CLCN5: variants seen among roughly 807,000 people sequenced by gnomAD.
CLCN5 encodes H(+)/Cl(-) exchange transporter 5.
In CLCN5, 17 loss-of-function variants were observed where a neutral mutation model predicts 54.0. The ratio of observed to expected loss-of-function variants is 0.31; its 90% CI spans 0.22 to 0.47. The LOEUF (loss-of-function observed/expected upper bound fraction) is 0.47. Among genes scored for constraint, CLCN5 ranks in the 20% least tolerant of loss-of-function variants. CLCN5 has a pLI of 1.00. For missense variants in CLCN5, 448 were observed against 646.7 expected, an observed-to-expected ratio of 0.69 and a Z score of 3.33; for synonymous variants, 222 against 233.0, an observed-to-expected ratio of 0.95 and a Z score of 0.43.
chrX:50,088,576 A>G (rs1449523266), intron 11 of CLCN5, 122 bp from the exon 12 acceptor site: 17 of 644,795 alleles, frequency 2.6e-5, no homozygotes, highest in Non-Finnish European at 3.9e-5. Flanking sequence ...ACTTGCTAGC[A>G]TAGTGCATAG....
chrX:49,997,216 A>G (rs959728702), intron 3 of CLCN5, among the ~76,000 whole-genome samples: 4 of 111,964 alleles, frequency 3.6e-5, no homozygotes, highest in East Asian at 5.6e-4. Context: ...GAGGACAGCA[A>G]TCACATTATT....
At chrX:49,954,568 A>G (rs907240514) in intron 3 of CLCN5, among the ~76,000 whole-genome samples, 2 of 110,528 alleles carry the variant, frequency 1.8e-5, no homozygotes, top group Non-Finnish European at 3.8e-5. Context: ...AGACTGTGCC[A>G]TATGTGTGAG....
intron 3 of CLCN5, among the ~76,000 whole-genome samples, chrX:49,992,209 T>C (rs1393599803): frequency 2.2e-5 from 2 of 91,060 alleles, no homozygotes; most frequent in African/African-American, 4.2e-5. Flanking sequence ...TCTTTTTTTC[T>C]TTTTTTTTTT....
At chrX:49,939,230 C>T (rs1304679522) in intron 3 of CLCN5, among the ~76,000 whole-genome samples, 8 of 111,004 alleles carry the variant, frequency 7.2e-5, no homozygotes, top group African/African-American at 2.6e-4. Context: ...GTCAGTGTGG[C>T]GATTCCTCAG....
chrX:49,973,839 G>A (rs1311521820), intron 3 of CLCN5, among the ~76,000 whole-genome samples: 2 of 110,860 alleles, frequency 1.8e-5, no homozygotes, highest in African/African-American at 6.6e-5. Flanking sequence ...CATAAGTTGA[G>A]GAGCATCTGA....
At chrX:50,039,420 T>C (rs1248327087) in intron 3 of CLCN5, among the ~76,000 whole-genome samples, 1 of 112,209 alleles carries the variant, frequency 8.9e-6, no homozygotes, top group African/African-American at 3.2e-5. Flanking sequence ...TAGGCCCTTA[T>C]ATTGGCAGTT....
intron 3 of CLCN5, among the ~76,000 whole-genome samples, chrX:50,034,914 C>T (rs1557186353): frequency 2.7e-5 from 3 of 111,325 alleles, no homozygotes; most frequent in African/African-American, 6.5e-5. Flanking sequence ...TTCCAGACTA[C>T]TCCTGCCACA....
At position 50,000,140 on chromosome X, in the gene CLCN5, G is replaced by A. The variant is rs182616224; in HGVS notation, c.17-42176G>A. On this transcript the variant is annotated intron_variant, in intron 3 of 14. Coordinates refer to ENST00000376091, the MANE Select transcript of CLCN5 (RefSeq NM_001127898.4). ...TGTTGGACTGTGGGTTTCCCCATCC[G>A]CCTCCTGCTTGCAGCCTCTCTCTCT... 2.0e-3 allele frequency among the ~76,000 whole-genome samples: 223 copies of A among 109,079 alleles called. 1 individual carries two copies. The highest frequency in any genetic ancestry group is 6.9e-3 in the African/African-American group (207 of 29,879). 94.7% of individuals were successfully genotyped at this position (109,079 alleles called of 115,157 possible).
chrX:50,029,606 TTA>T (rs1931589421), intron 3 of CLCN5, among the ~76,000 whole-genome samples: 3 of 111,364 alleles, frequency 2.7e-5, no homozygotes, highest in Admixed American at 9.6e-5. Flanking sequence ...AAGAAGACAT[TTA>T]TATGCAGCCA....
At chrX:49,967,511 A>G (rs1361890941) in intron 3 of CLCN5, among the ~76,000 whole-genome samples, 2 of 93,081 alleles carry the variant, frequency 2.1e-5, no homozygotes, top group Non-Finnish European at 3.9e-5. Context: ...CTGGTTCAAT[A>G]TACGCAAATC....
chrX:50,003,213 C>T (rs782093232), intron 3 of CLCN5: 1 of 384,318 alleles, frequency 2.6e-6, no homozygotes, highest in Non-Finnish European at 5.2e-6. Flanking sequence ...CCCTCCCACA[C>T]CCAAGGCTTG....
intron 3 of CLCN5, among the ~76,000 whole-genome samples, chrX:49,963,416 T>TG (rs1184989351): frequency 9.0e-6 from 1 of 111,612 alleles, no homozygotes; most frequent in Non-Finnish European, 1.9e-5. Context: ...TGCTCTATGC[T>TG]GAAAAACCCC....
At chrX:50,056,167 C>T (rs1485770865) in intron 4 of CLCN5, among the ~76,000 whole-genome samples, 2 of 110,571 alleles carry the variant, frequency 1.8e-5, no homozygotes, top group Non-Finnish European at 3.8e-5. Context: ...ATTTTCCCCC[C>T]ACTAAAGAAT....
At chrX:50,090,625 C>A in intron 13 of CLCN5, 45 bp from the exon 14 acceptor site, 1 of 1,160,805 alleles carries the variant, frequency 8.6e-7, no homozygotes, top group Admixed American at 2.4e-5. Context: ...AAGGATAGAG[C>A]TAGCACGTCC....
At chrX:49,989,472 T>C (rs1313534269) in intron 3 of CLCN5, among the ~76,000 whole-genome samples, 1 of 110,868 alleles carries the variant, frequency 9.0e-6, no homozygotes, top group Non-Finnish European at 1.9e-5. Context: ...AATAAATGAA[T>C]CTTCTATCCA....
At chrX:50,051,452 T>G in intron 4 of CLCN5, among the ~76,000 whole-genome samples, 1 of 112,167 alleles carries the variant, frequency 8.9e-6, no homozygotes, top group Non-Finnish European at 1.9e-5. Context: ...AATGAGGTAG[T>G]GTGAGCCTTC....
chrX:50,069,882 A>G lies in CLCN5; in HGVS notation c.167A>G (p.Asp56Gly). The G allele has an allele frequency of 8.3e-7, 1 of 1,205,874 alleles. No homozygotes were observed. The highest frequency in any genetic ancestry group is 1.1e-6 in the Non-Finnish European group (1 of 892,263). The change falls in exon 5 of 15, where the codon GAC becomes GGC. Residue 56 changes from aspartate (D) to glycine (G), a missense_variant. Around this residue, in one of 5 missense-constraint regions of CLCN5, gnomAD observed 69 missense variants for 60.9 expected, o/e 1.13. Coordinates refer to ENST00000376091, the MANE Select transcript of CLCN5 (RefSeq NM_001127898.4). The part of the protein sequence containing the change: ...VPPLDREVGE[D>G]KSYNGGGIGS... ...GTCTATTTCTTGTTCAATACAGAGGACAAGTCGTACAATGGTGGAGGAATA... is the reference window on the plus strand; with the variant it reads ...GTCTATTTCTTGTTCAATACAGAGGGCAAGTCGTACAATGGTGGAGGAATA...
chrX:49,950,611 A>G (rs979924759), intron 3 of CLCN5, among the ~76,000 whole-genome samples: 4 of 112,025 alleles, frequency 3.6e-5, no homozygotes, highest in African/African-American at 9.7e-5. Flanking sequence ...TAAAATACAC[A>G]CCAGATTTCA....
Position 50,096,006 on chromosome X carries a change from A to G in CLCN5, c.*3787A>G, listed in dbSNP as rs1193973763. The G allele has an allele frequency of 8.9e-6, 1 of 111,955 alleles. No homozygotes were observed. Among genetic ancestry groups the G allele is most frequent in the Non-Finnish European group, 1.9e-5 (1 of 53,259 alleles). The allele number at this position is 111,955 out of a possible 1,213,427, so 9.2% of individuals were successfully genotyped here. On this transcript the variant is annotated 3_prime_UTR_variant, in exon 15 of 15. Coordinates refer to ENST00000376091, the MANE Select transcript of CLCN5 (RefSeq NM_001127898.4). ...GTTTTTAATAATGATAGCAAAGACA[A>G]TGGTGAGAACTTGAAACAGCCAGCA...
Sources: gnomAD v4.1 joint callset for allele counts (sites outside exome capture counted in the v4.1 genomes callset) on GRCh38, gnomAD v4.1.1 for gene constraint, gnomAD v4.1.1 regional missense constraint, MANE v1.5 for transcripts, NCBI Gene and HGNC (gene_info 2026-07-23, HGNC 2026-07-21) for gene names.